CHAF1A: variants seen among roughly 807,000 people sequenced by gnomAD.
The protein encoded by CHAF1A is CAF-1 subunit A.
CHAF1A carries 5 observed loss-of-function variants against 93.2 expected under a neutral mutation model. The observed-to-expected ratio is 0.05, with a 90% CI of 0.03 to 0.11. The LOEUF (loss-of-function observed/expected upper bound fraction) is 0.11, where lower values mean the gene tolerates loss of function less well. CHAF1A is among the 10% of genes least tolerant of loss of function. The probability of loss-of-function intolerance (pLI) is 1.00; values close to 1 mark genes in which losing one functional copy is unlikely to be tolerated. For synonymous variants in CHAF1A, 504 were observed against 510.3 expected (o/e 0.99, Z 0.17); for missense variants, 1,102 against 1,259.9 (o/e 0.87, Z 1.90).
At chr19:4,425,741 T>G (rs1300201828) in intron 7 of CHAF1A, among the ~76,000 whole-genome samples, 3 of 152,216 alleles carry the variant, frequency 2.0e-5, no homozygotes, top group African/African-American at 7.2e-5. Context: ...CAAGTAAGCA[T>G]GAGTTCACCT....
rs1287936505 is a variant in CHAF1A, at chr19:4,443,297, A to G, written c.*272A>G. ...GGCACAGGAGCAGGCGTGGAATCCAATACTTGTAAATGAATTGAAGCGTCA... is the reference window on the plus strand; with the variant it reads ...GGCACAGGAGCAGGCGTGGAATCCAGTACTTGTAAATGAATTGAAGCGTCA... On this transcript the variant is annotated 3_prime_UTR_variant, in exon 15 of 15. Transcript: ENST00000301280. 1.8e-5 allele frequency: 8 copies of G among 434,810 alleles called. No homozygotes were observed. The highest frequency in any genetic ancestry group is 1.2e-4 in the South Asian group (5 of 43,430). The allele number at this position is 434,810 out of a possible 1,614,324, so 26.9% of individuals were successfully genotyped here.
chr19:4,426,411 G>A (rs1025038825), intron 7 of CHAF1A, among the ~76,000 whole-genome samples: 3 of 151,806 alleles, frequency 2.0e-5, no homozygotes, highest in Admixed American at 1.3e-4. Flanking sequence ...CTTGTGATCC[G>A]CCCGCCTCGG....
chr19:4,423,712 C>G (rs1051544620), intron 6 of CHAF1A, 94 bp from the exon 7 acceptor site: 22 of 1,274,002 alleles, frequency 1.7e-5, no homozygotes, highest in Middle Eastern at 1.9e-4. Context: ...AGCTAAAATG[C>G]TTGACGTTCG....
intron 7 of CHAF1A, among the ~76,000 whole-genome samples, chr19:4,425,010 A>G (rs1381870758): frequency 1.3e-5 from 2 of 151,948 alleles, no homozygotes; most frequent in Non-Finnish European, 2.9e-5. Context: ...CTGGCTTCAA[A>G]TGATCCTCCA....
At chr19:4,429,884 A>G (rs1428031356) in intron 10 of CHAF1A, 96 bp downstream of exon 10, 5 of 1,046,984 alleles carry the variant, frequency 4.8e-6, no homozygotes, top group Non-Finnish European at 7.1e-6. Context: ...AGCTGTGTTC[A>G]CTCACTGACA....
Position 4,419,806 on chromosome 19 carries a change from C to T in CHAF1A, c.1017+1730C>T, listed in dbSNP as rs143968772. On this transcript the variant is annotated intron_variant, in intron 4 of 14. Transcript: ENST00000301280. ...AAAGCTCATTGGAACCTCCGAGTCC[C>T]GCACACCGGGTTGGGGAGCGGAGAA... Among the ~76,000 whole-genome samples, 177 of 152,260 alleles carry T rather than the reference C, an allele frequency of 1.2e-3. 1 individual carries two copies. Among genetic ancestry groups the T allele is most frequent in the African/African-American group, 4.1e-3 (169 of 41,546 alleles).
downstream of CHAF1A, chr19:4,446,621 G>T: frequency 6.2e-7 from 1 of 1,612,504 alleles, no homozygotes; most frequent in Non-Finnish European, 8.5e-7. Flanking sequence ...AGCTTGGCGC[G>T]CACGGGCTCC....
chr19:4,424,046 C>T (rs374273697), intron 7 of CHAF1A, among the ~76,000 whole-genome samples, 172 bp downstream of exon 7: 7 of 152,202 alleles, frequency 4.6e-5, no homozygotes, highest in South Asian at 2.1e-4. Context: ...TTTTGTCCTT[C>T]GCTTTGTCCC....
intron 8 of CHAF1A, 79 bp downstream of exon 8, chr19:4,428,969 G>A: frequency 6.0e-6 from 7 of 1,157,168 alleles, no homozygotes; most frequent in Non-Finnish European, 8.8e-6. Context: ...TCCCCGGGGT[G>A]GGAGCTCTGG....
downstream of CHAF1A, chr19:4,447,753 G>C: frequency 1.1e-6 from 1 of 903,508 alleles, no homozygotes; most frequent in Admixed American, 1.9e-5. Flanking sequence ...AAGCGGCCCA[G>C]TGACGCGAGG....
rs1297534831 is a variant in CHAF1A, at chr19:4,422,725, G to T, written c.1177G>T (p.Asp393Tyr). ...EKERREKREKDEKEKAEKQRL... is the reference protein window; with the variant it reads ...EKERREKREKYEKEKAEKQRL... ...GGAGAGGCGGGAGAAGCGGGAGAAG[G>T]ATGAGAAGGAGAAGGCGGAGAAGCA... The change falls in exon 5 of 15, where the codon GAT becomes TAT. Residue 393 changes from aspartate (D) to tyrosine (Y), a missense_variant. Coordinates refer to ENST00000301280, the MANE Select transcript of CHAF1A (RefSeq NM_005483.3). The surrounding 1 kb of genome is among the most constrained non-coding windows in gnomAD (Gnocchi z 4.6). 1 of 1,611,968 alleles carries T rather than the reference G, an allele frequency of 6.2e-7. No homozygotes were observed. The highest frequency in any genetic ancestry group is 1.7e-5 in the Admixed American group (1 of 59,700).
intron 14 of CHAF1A, 48 bp downstream of exon 14, chr19:4,442,389 G>C (rs1944091359): frequency 7.0e-7 from 1 of 1,438,662 alleles, no homozygotes; most frequent in South Asian, 1.2e-5. Flanking sequence ...GTGGGCGCTG[G>C]AGGTAAACCT....
At position 4,422,573 on chromosome 19, in the gene CHAF1A, A is replaced by G; in HGVS notation, c.1025A>G (p.Glu342Gly). 1 of 1,564,760 alleles carries G rather than the reference A, an allele frequency of 6.4e-7. No individual in the cohort carries two copies. Among genetic ancestry groups the G allele is most frequent in the Non-Finnish European group, 8.7e-7 (1 of 1,154,440 alleles). The change falls in exon 5 of 15, where the codon GAG (glutamate) becomes GGG (glycine). Residue 342 changes from glutamate (E) to glycine (G), a missense_variant. Transcript: ENST00000301280. This position sits in a 1 kb window ranked among gnomAD's most constrained non-coding sequence, Gnocchi z 4.6. The stretch of plus-strand genomic sequence containing the variant: ...TGCCACACTGTCTTGTAGGATCAGG[A>G]GCGTCTGGGCAAGCAGCTCAAGTTA... Reference protein sequence around the residue: ...KNKLRLQRDQERLGKQLKLRA... With the variant: ...KNKLRLQRDQGRLGKQLKLRA...
At chr19:4,443,981 C>G (rs758629079), downstream of CHAF1A, among the ~76,000 whole-genome samples, 3 of 152,194 alleles carry the variant, frequency 2.0e-5, no homozygotes, top group Non-Finnish European at 2.9e-5. Flanking sequence ...TCAGCTACCT[C>G]CATCCACCCA....
intron 7 of CHAF1A, among the ~76,000 whole-genome samples, chr19:4,424,827 G>A (rs369354095): frequency 3.9e-5 from 6 of 152,110 alleles, no homozygotes; most frequent in African/African-American, 1.4e-4. Flanking sequence ...TATAGACGGG[G>A]TTTTACCATG....
In CHAF1A at chr19:4,422,242, G is replaced by C. The variant is rs1178168364; in HGVS notation, c.1018-324G>C. 1.3e-5 allele frequency among the ~76,000 whole-genome samples: 2 copies of C among 152,096 alleles called. No homozygotes were observed. The highest frequency in any genetic ancestry group is 4.8e-5 in the African/African-American group (2 of 41,410). On this transcript the variant is annotated intron_variant, in intron 4 of 14. Coordinates refer to ENST00000301280, the MANE Select transcript of CHAF1A (RefSeq NM_005483.3). The surrounding 1 kb of genome is among the most constrained non-coding windows in gnomAD (Gnocchi z 4.6). Reference sequence around the variant, plus strand: ...TTGGCCAGGCTGGTCTCGAACTCCTGACCTCAGGTGATCCACTTGCCTCGG... The same window carrying C: ...TTGGCCAGGCTGGTCTCGAACTCCTCACCTCAGGTGATCCACTTGCCTCGG...
chr19:4,445,229 C>G, downstream of CHAF1A: 1 of 449,362 alleles, frequency 2.2e-6, no homozygotes, highest in Non-Finnish European at 4.1e-6. Context: ...AGCTTCATGA[C>G]ACAGTTACCA....
intron 13 of CHAF1A, among the ~76,000 whole-genome samples, chr19:4,437,895 A>G (rs940606450): frequency 2.6e-5 from 4 of 151,996 alleles, no homozygotes; most frequent in Admixed American, 1.3e-4. Context: ...GCCCACCACC[A>G]CGCCCAGCTA....
At chr19:4,427,127 A>G (rs1974097071) in intron 7 of CHAF1A, among the ~76,000 whole-genome samples, 1 of 112,208 alleles carries the variant, frequency 8.9e-6, no homozygotes. Flanking sequence ...TTTCAAAAAA[A>G]GACCCTGTCT....
Sources: gnomAD v4.1 joint callset for allele counts (sites outside exome capture counted in the v4.1 genomes callset) on GRCh38, gnomAD v4.1.1 for gene constraint, Gnocchi (gnomAD v3.1) non-coding constraint, MANE v1.5 for transcripts, NCBI Gene and HGNC (gene_info 2026-07-23, HGNC 2026-07-21) for gene names.